The following CATSPERB variants were observed in gnomAD, a reference collection of about 807,000 sequenced individuals.
CATSPERB encodes the protein catsper channel auxiliary subunit beta.
CATSPERB carries 93 observed loss-of-function variants against 128.3 expected under a neutral mutation model. The observed-to-expected ratio is 0.72, with a 90% confidence interval of 0.61 to 0.86. The LOEUF (loss-of-function observed/expected upper bound fraction) is 0.86. Ranked by LOEUF, CATSPERB falls within the 40% of genes least tolerant of loss-of-function variation. CATSPERB has a pLI of 0.00. For missense variants in CATSPERB, 1,153 were observed against 1,329.5 expected (o/e 0.87, Z 2.06); for synonymous variants, 381 against 448.8 (o/e 0.85, Z 1.91).
intron 3 of CATSPERB, among the ~76,000 whole-genome samples, chr14:91,724,843 AAAG>A (rs1896093193): frequency 6.6e-6 from 1 of 152,226 alleles, no homozygotes; most frequent in Non-Finnish European, 1.5e-5. Context: ...TCATTTTAAA[AAAG>A]AAAGAATAAA....
At chr14:91,662,711 G>A (rs986220805) in intron 14 of CATSPERB, among the ~76,000 whole-genome samples, 2 of 152,160 alleles carry the variant, frequency 1.3e-5, no homozygotes, top group Non-Finnish European at 2.9e-5. Context: ...TCAACATTTT[G>A]TATCGACAGA....
At chr14:91,629,179 T>G (rs766397492) in intron 17 of CATSPERB, among the ~76,000 whole-genome samples, 4 of 152,168 alleles carry the variant, frequency 2.6e-5, no homozygotes, top group African/African-American at 4.8e-5. Flanking sequence ...GAATATTATA[T>G]GATTCAGCAC....
intron 10 of CATSPERB, among the ~76,000 whole-genome samples, chr14:91,690,362 G>C (rs1407155425): frequency 1.3e-5 from 2 of 151,988 alleles, no homozygotes; most frequent in East Asian, 3.8e-4. Context: ...TGTGTCAGGT[G>C]CCATTCTAGA....
At chr14:91,717,654 A>C (rs1362004346) in intron 5 of CATSPERB, among the ~76,000 whole-genome samples, 1 of 152,194 alleles carries the variant, frequency 6.6e-6, no homozygotes, top group African/African-American at 2.4e-5. Flanking sequence ...CTGCCACTAC[A>C]ATGACTATTT....
intron 11 of CATSPERB, among the ~76,000 whole-genome samples, chr14:91,676,996 G>T (rs951831074): frequency 1.3e-5 from 2 of 152,168 alleles, no homozygotes; most frequent in African/African-American, 4.8e-5. Flanking sequence ...TTAATAAATG[G>T]TGCTGGGAAA....
At chr14:91,690,939 G>A (rs992606394) in intron 10 of CATSPERB, among the ~76,000 whole-genome samples, 1 of 152,210 alleles carries the variant, frequency 6.6e-6, no homozygotes, top group African/African-American at 2.4e-5. Context: ...TTTTCCAACC[G>A]AAGCATGCTT....
chr14:91,636,631 T>G, intron 16 of CATSPERB, 52 bp from the exon 17 acceptor site: 1 of 1,445,820 alleles, frequency 6.9e-7, no homozygotes, highest in Non-Finnish European at 9.3e-7. Context: ...ATACTTCAAT[T>G]ATGACAAAAT....
chr14:91,604,522 G>A, intron 22 of CATSPERB: 1 of 1,604,956 alleles, frequency 6.2e-7, no homozygotes, highest in South Asian at 1.1e-5. Context: ...CAGCTTCCAA[G>A]GCAGCCTCCA....
At chr14:91,639,740 G>T (rs1047181608) in intron 15 of CATSPERB, among the ~76,000 whole-genome samples, 4 of 152,148 alleles carry the variant, frequency 2.6e-5, no homozygotes, top group African/African-American at 9.6e-5. Context: ...TAATCAGATG[G>T]TGCCGCAGCA....
At chr14:91,696,704 A>C (rs1227098331) in intron 7 of CATSPERB, among the ~76,000 whole-genome samples, 46 of 152,172 alleles carry the variant, frequency 3.0e-4, no homozygotes, top group Admixed American at 3.0e-3. Flanking sequence ...CAATCCAGTG[A>C]GGAGGAAGAG....
chr14:91,585,253 G>A (rs925014545), intron 26 of CATSPERB, among the ~76,000 whole-genome samples: 4 of 151,954 alleles, frequency 2.6e-5, no homozygotes, highest in Admixed American at 6.6e-5. Context: ...GAGCTCAAGC[G>A]ATCCACCCAC....
chr14:91,636,650 C>T, intron 16 of CATSPERB, 71 bp from the exon 17 acceptor site: 1 of 1,316,328 alleles, frequency 7.6e-7, no homozygotes, highest in Non-Finnish European at 1.0e-6. Context: ...ATTGAAGTCA[C>T]AGATTTATTT....
intron 9 of CATSPERB, 21 bp downstream of exon 9, chr14:91,693,105 G>T: frequency 6.8e-7 from 1 of 1,461,758 alleles, no homozygotes; most frequent in Non-Finnish European, 9.5e-7. Context: ...TTAGCTATTA[G>T]TTACAAAGCA....
intron 3 of CATSPERB, among the ~76,000 whole-genome samples, chr14:91,724,846 G>C (rs1267810336): frequency 6.6e-6 from 1 of 152,082 alleles, no homozygotes; most frequent in South Asian, 2.1e-4. Flanking sequence ...TTTTAAAAAA[G>C]AAAGAATAAA....
intron 15 of CATSPERB, among the ~76,000 whole-genome samples, chr14:91,655,882 C>A (rs1894778003): frequency 6.6e-6 from 1 of 152,012 alleles, no homozygotes; most frequent in Non-Finnish European, 1.5e-5. Context: ...AAGAAGATGA[C>A]CTCAAGGCAT....
intron 7 of CATSPERB, among the ~76,000 whole-genome samples, chr14:91,701,200 T>C (rs1895641900): frequency 6.6e-6 from 1 of 152,080 alleles, no homozygotes; most frequent in Non-Finnish European, 1.5e-5. Context: ...GGTCACCAAA[T>C]GCTGGCAACC....
intron 22 of CATSPERB, chr14:91,603,149 A>T (rs1893636534): frequency 2.5e-6 from 2 of 784,618 alleles, no homozygotes; most frequent in South Asian, 2.7e-5. Flanking sequence ...TTCCTTGTAT[A>T]CCTTCATGTA....
intron 26 of CATSPERB, 40 bp downstream of exon 26, chr14:91,587,162 C>T: frequency 6.7e-7 from 1 of 1,488,460 alleles, no homozygotes; most frequent in South Asian, 1.2e-5. Context: ...TGTTTTTTCC[C>T]CAGCCATCAC....
intron 14 of CATSPERB, among the ~76,000 whole-genome samples, chr14:91,660,527 TTC>T (rs1894860849): frequency 6.6e-6 from 1 of 152,310 alleles, no homozygotes; most frequent in Admixed American, 6.5e-5. Context: ...GCATCTTAGT[TTC>T]TCTGTTTCCT....
Sources: allele counts gnomAD v4.1 joint callset (sites outside exome capture counted in the v4.1 genomes callset), GRCh38; gene constraint gnomAD v4.1.1; transcripts MANE v1.5; gene names NCBI Gene and HGNC (gene_info 2026-07-23, HGNC 2026-07-21).